GLT1D1: variants seen among roughly 807,000 people sequenced by gnomAD.
GLT1D1 encodes glycosyltransferase 1 domain-containing protein 1.
Under a neutral mutation model 28.7 loss-of-function variants are expected in GLT1D1, and 21 were observed. The observed-to-expected ratio is 0.73, with a 90% CI of 0.52 to 1.05. GLT1D1 has a LOEUF of 1.05. GLT1D1 is among the 50% of genes least tolerant of loss of function. The pLI, the probability that GLT1D1 is intolerant of heterozygous loss-of-function variation, is 0.00. For synonymous variants in GLT1D1, 147 were observed against 124.8 expected, an observed-to-expected ratio of 1.18 and a Z score of -1.19; for missense variants, 343 against 330.6, an observed-to-expected ratio of 1.04 and a Z score of -0.29.
chr12:128,978,145 C>G (rs1879962358), intron 7 of GLT1D1, among the ~76,000 whole-genome samples: 1 of 151,662 alleles, frequency 6.6e-6, no homozygotes, highest in Non-Finnish European at 1.5e-5. Flanking sequence ...AGCAGAAGAT[C>G]CTGAGTGGAC....
At chr12:128,955,427 C>G (rs1266967530) in intron 6 of GLT1D1, among the ~76,000 whole-genome samples, 1 of 152,128 alleles carries the variant, frequency 6.6e-6, no homozygotes, top group Admixed American at 6.6e-5. Context: ...TCTCCTGCAC[C>G]TGAGAAGACA....
At chr12:128,966,381 C>T (rs1237662291) in intron 7 of GLT1D1, among the ~76,000 whole-genome samples, 4 of 152,210 alleles carry the variant, frequency 2.6e-5, no homozygotes, top group South Asian at 2.1e-4. Context: ...TGCTGCTCTG[C>T]GGCCACGTGG....
At chr12:128,874,057 C>CTT (rs1448965023) in intron 1 of GLT1D1, among the ~76,000 whole-genome samples, 1 of 52,156 alleles carries the variant, frequency 1.9e-5, no homozygotes, top group Non-Finnish European at 3.5e-5. Flanking sequence ...CCCTCCCTCC[C>CTT]TCCTTTCTTT....
At chr12:128,952,659 G>A (rs1711360) in intron 6 of GLT1D1, among the ~76,000 whole-genome samples, 1 of 148,526 alleles carries the variant, frequency 6.7e-6, no homozygotes, top group Non-Finnish European at 1.5e-5. Context: ...TTTTTTAGTA[G>A]AGATGGGGTT....
At chr12:128,922,780 G>A (rs953477081) in intron 4 of GLT1D1, among the ~76,000 whole-genome samples, 5 of 152,090 alleles carry the variant, frequency 3.3e-5, no homozygotes, top group South Asian at 2.1e-4. Context: ...AAAAAGAGCC[G>A]GGCATGATGG....
rs182397518 is a variant in GLT1D1 at position 128,879,309 on chromosome 12, C to T, written c.217+3247C>T. 7.9e-5 allele frequency among the ~76,000 whole-genome samples: 12 copies of T among 152,178 alleles called. No individual in the cohort carries two copies. The East Asian group carries it at 2.3e-3, about 29-fold the overall frequency. Reference sequence around the variant, plus strand: ...TTCTTCCTGATGTTCTCCCTCTTCCCCCACCCCACCCCCAACAAGTTGTCA... The same window carrying T: ...TTCTTCCTGATGTTCTCCCTCTTCCTCCACCCCACCCCCAACAAGTTGTCA... On this transcript the variant is annotated intron_variant, in intron 2 of 7. Transcript: ENST00000281703.
chr12:128,872,777 TCAAA>T (rs1265794216), intron 1 of GLT1D1, among the ~76,000 whole-genome samples: 26 of 152,212 alleles, frequency 1.7e-4, no homozygotes, highest in Admixed American at 5.2e-4. Flanking sequence ...CATACACACC[TCAAA>T]CAATTTAAAA....
intron 1 of GLT1D1, among the ~76,000 whole-genome samples, chr12:128,855,473 G>A (rs1956194905): frequency 6.6e-6 from 1 of 152,064 alleles, no homozygotes; most frequent in South Asian, 2.1e-4. Context: ...GGCTGAGGCA[G>A]GAGGATCAGT....
rs570054467 is a variant in GLT1D1 at position 128,946,350 on chromosome 12, G to T, written c.419+981G>T. 1.5e-4 allele frequency among the ~76,000 whole-genome samples: 23 copies of T among 152,072 alleles called. No homozygotes were observed. In the South Asian group the frequency reaches 2.3e-3, roughly 15 times the overall value. On this transcript the variant is annotated intron_variant, in intron 5 of 7. Coordinates refer to ENST00000281703, the MANE Select transcript of GLT1D1 (RefSeq NM_144669.3). ...AGTATTTCTATTTCCATTCTTTTTT[G>T]TTGTTGTTGTTGTTGAGACAGAGTT...
intron 4 of GLT1D1, among the ~76,000 whole-genome samples, chr12:128,928,035 AT>A (rs1873460870): frequency 2.3e-4 from 34 of 145,552 alleles, no homozygotes; most frequent in African/African-American, 8.6e-4. Flanking sequence ...ACAAAAAAGA[AT>A]AGAAAAAAAG....
At chr12:128,952,773 C>CTTTTTTTTTTTT (rs71072430) in intron 6 of GLT1D1, among the ~76,000 whole-genome samples, 2 of 58,936 alleles carry the variant, frequency 3.4e-5, no homozygotes, top group African/African-American at 7.9e-5. Context: ...CCGTGACTGG[C>CTTTTTTTTTTTT]TTTTTTTTTT....
chr12:128,934,127 C>A (rs536621938), intron 4 of GLT1D1, among the ~76,000 whole-genome samples: 46 of 150,610 alleles, frequency 3.1e-4, no homozygotes, highest in African/African-American at 1.1e-3. Flanking sequence ...AGGGCTGGAG[C>A]TTTTCTAGGT....
chr12:128,947,794 C>G (rs1227814403), intron 6 of GLT1D1, among the ~76,000 whole-genome samples: 1 of 152,130 alleles, frequency 6.6e-6, no homozygotes, highest in Admixed American at 6.6e-5. Flanking sequence ...GGTATTTTTG[C>G]AGGAAGCCTC....
intron 4 of GLT1D1, among the ~76,000 whole-genome samples, chr12:128,920,408 G>T: frequency 6.6e-6 from 1 of 152,068 alleles, no homozygotes; most frequent in East Asian, 1.9e-4. Context: ...ACAAAAATTA[G>T]CCAGGTGTGG....
intron 4 of GLT1D1, among the ~76,000 whole-genome samples, chr12:128,939,166 T>A (rs1433977419): frequency 6.6e-6 from 1 of 151,818 alleles, no homozygotes; most frequent in Non-Finnish European, 1.5e-5. Flanking sequence ...AATCCAGGGG[T>A]TCCTTTCAGG....
intron 5 of GLT1D1, 69 bp downstream of exon 9, chr12:128,945,438 T>A: frequency 8.3e-7 from 1 of 1,202,682 alleles, no homozygotes; most frequent in Non-Finnish European, 1.2e-6. Flanking sequence ...TTACCTGAAC[T>A]CACATTTATC....
chr12:128,967,127 T>G (rs1226507350), intron 7 of GLT1D1, among the ~76,000 whole-genome samples: 1 of 152,224 alleles, frequency 6.6e-6, no homozygotes, highest in Non-Finnish European at 1.5e-5. Flanking sequence ...GGAGGTTCTG[T>G]TTGTATGGTG....
chr12:128,926,498 T>C (rs1340014301), intron 4 of GLT1D1, 44 bp downstream of exon 7: 3 of 1,023,444 alleles, frequency 2.9e-6, no homozygotes, highest in Non-Finnish European at 4.4e-6. Flanking sequence ...TAGAATTCCT[T>C]GTGGGCGCCC....
chr12:128,975,758 T>C (rs1417986794), intron 7 of GLT1D1, among the ~76,000 whole-genome samples: 1 of 152,152 alleles, frequency 6.6e-6, no homozygotes, highest in Non-Finnish European at 1.5e-5. Context: ...GGCCCCCTAA[T>C]GGCTGTTTTT....
Sources: allele counts gnomAD v4.1 joint callset (sites outside exome capture counted in the v4.1 genomes callset), GRCh38; gene constraint gnomAD v4.1.1; transcripts MANE v1.5; gene names NCBI Gene and HGNC (gene_info 2026-07-23, HGNC 2026-07-21).